NUMB: variants seen among roughly 807,000 people sequenced by gnomAD.
NUMB encodes NUMB endocytic adaptor protein, also known as protein numb homolog.
A neutral mutation model predicts 59.7 loss-of-function variants in NUMB; 29 were observed. That is an observed-to-expected ratio of 0.49 (90% confidence interval 0.36 to 0.66). The LOEUF (loss-of-function observed/expected upper bound fraction) is 0.66, where lower values mean the gene tolerates loss of function less well. Among genes scored for constraint, NUMB ranks in the 30% least tolerant of loss-of-function variants. The pLI is 0.00. For missense variants in NUMB, 723 were observed against 822.0 expected, an observed-to-expected ratio of 0.88 and a Z score of 1.47; for synonymous variants, 288 against 288.2, an observed-to-expected ratio of 1.00 and a Z score of 0.01.
intron 2 of NUMB, among the ~76,000 whole-genome samples, chr14:73,377,544 G>A (rs1895010726): frequency 6.6e-6 from 1 of 152,126 alleles, no homozygotes; most frequent in Non-Finnish European, 1.5e-5. Flanking sequence ...GGAGGCTGAG[G>A]CAGAAGAATC....
intron 4 of NUMB, among the ~76,000 whole-genome samples, chr14:73,329,403 C>A (rs755629702): frequency 1.1e-4 from 16 of 152,106 alleles, no homozygotes; most frequent in Non-Finnish European, 2.2e-4. Context: ...GTGCTAAATA[C>A]ATATTTATTG....
chr14:73,433,892 CCA>C (rs1287450536), intron 1 of NUMB, among the ~76,000 whole-genome samples: 1 of 152,080 alleles, frequency 6.6e-6, no homozygotes. Flanking sequence ...AAGTTTGAGA[CCA>C]TCCTAGCCAA....
intron 4 of NUMB, among the ~76,000 whole-genome samples, chr14:73,351,249 G>A (rs1893240613): frequency 2.0e-5 from 3 of 152,058 alleles, no homozygotes; most frequent in South Asian, 2.1e-4. Flanking sequence ...TGAGGCGGGC[G>A]GATCACAAGG....
intron 2 of NUMB, among the ~76,000 whole-genome samples, chr14:73,383,459 G>A (rs1163736536): frequency 6.6e-6 from 1 of 152,026 alleles, no homozygotes; most frequent in Non-Finnish European, 1.5e-5. Flanking sequence ...AGAAAATACA[G>A]AAAAGAGCAT....
chr14:73,292,645 T>C (rs2139831592), intron 8 of NUMB, 89 bp downstream of exon 8: 1 of 1,320,182 alleles, frequency 7.6e-7, no homozygotes, highest in East Asian at 2.4e-5. Context: ...TTGTTAAAAA[T>C]GTAGTAGAAA....
chr14:73,424,548 A>G (rs115111411), intron 1 of NUMB, among the ~76,000 whole-genome samples: 195 of 152,322 alleles, frequency 1.3e-3, no homozygotes, highest in African/African-American at 4.3e-3. Flanking sequence ...TGCACACAGT[A>G]GTTTATAACA....
intron 4 of NUMB, among the ~76,000 whole-genome samples, chr14:73,348,805 T>C (rs1446386021): frequency 1.3e-5 from 2 of 152,202 alleles, no homozygotes; most frequent in Admixed American, 1.3e-4. Flanking sequence ...TCAAAACTTA[T>C]TCATCTCACA....
chr14:73,437,182 C>T (rs981101735), intron 1 of NUMB, among the ~76,000 whole-genome samples: 2 of 151,226 alleles, frequency 1.3e-5, no homozygotes, highest in Non-Finnish European at 2.9e-5. Context: ...AGTAGCTGGG[C>T]CTACAGGCAC....
intron 1 of NUMB, among the ~76,000 whole-genome samples, chr14:73,414,417 A>G (rs1009136668): frequency 6.6e-6 from 1 of 152,136 alleles, no homozygotes; most frequent in Non-Finnish European, 1.5e-5. Flanking sequence ...GTTTTGAGAC[A>G]GGGTCTCACT....
intron 1 of NUMB, among the ~76,000 whole-genome samples, chr14:73,413,478 C>T (rs1327262656): frequency 2.0e-5 from 3 of 151,540 alleles, no homozygotes; most frequent in Admixed American, 6.6e-5. Flanking sequence ...AAAAATAAGG[C>T]GGGGCATGGT....
intron 2 of NUMB, among the ~76,000 whole-genome samples, chr14:73,405,931 A>G (rs867795812): frequency 4.6e-5 from 7 of 152,236 alleles, no homozygotes; most frequent in Middle Eastern, 3.4e-3. Context: ...TAATGAGTAG[A>G]CCTACACCCA....
At chr14:73,312,250 C>T (rs770390774) in intron 6 of NUMB, among the ~76,000 whole-genome samples, 32 of 149,142 alleles carry the variant, frequency 2.1e-4, no homozygotes, top group Non-Finnish European at 3.6e-4. Context: ...AAAAATTATC[C>T]GGGTATGGTG....
rs1432908910 is a variant in NUMB, at chr14:73,284,217, A to G, written c.813T>C (p.Leu271=). The G allele has an allele frequency of 6.2e-7, 1 of 1,614,174 alleles. No homozygotes were observed. Among genetic ancestry groups the G allele is most frequent in the Non-Finnish European group, 8.5e-7 (1 of 1,180,030 alleles). ...IPRRHAPIEQ[L]ARQGSFRGFP... ...AACCTCGGAAAGAGCCTTGGCGAGC[A>G]AGCTGTTCAATTGGAGCATGCCGGC... Residue 271 remains leucine (L), a synonymous_variant, in exon 10 of 13, where the codon CTT becomes CTC. Coordinates refer to ENST00000555238, the MANE Select transcript of NUMB (RefSeq NM_001005743.2).
At chr14:73,349,777 G>A (rs924987077) in intron 4 of NUMB, among the ~76,000 whole-genome samples, 5 of 151,808 alleles carry the variant, frequency 3.3e-5, no homozygotes, top group African/African-American at 1.2e-4. Context: ...TACTTGGGAG[G>A]CTGAGGCAGG....
intron 1 of NUMB, among the ~76,000 whole-genome samples, chr14:73,449,752 G>A (rs1300034375): frequency 3.3e-5 from 5 of 152,152 alleles, no homozygotes; most frequent in Non-Finnish European, 5.9e-5. Context: ...GGAGTGCAGT[G>A]GCTCGGCTCA....
chr14:73,438,768 A>C (rs950524676), intron 1 of NUMB, among the ~76,000 whole-genome samples: 2 of 152,162 alleles, frequency 1.3e-5, no homozygotes, highest in Non-Finnish European at 2.9e-5. Flanking sequence ...AGAAACAGAC[A>C]ATAAATGTTA....
intron 6 of NUMB, chr14:73,298,911 C>T (rs888054650): frequency 2.6e-5 from 4 of 152,022 alleles, no homozygotes; most frequent in Non-Finnish European, 4.4e-5. Flanking sequence ...TAAAGAATAC[C>T]GTAGGTAAAT....
chr14:73,287,359 C>T (rs1889086093), intron 8 of NUMB, 45 bp from the exon 9 acceptor site: 5 of 1,424,316 alleles, frequency 3.5e-6, no homozygotes, highest in Non-Finnish European at 4.8e-6. Flanking sequence ...ACACTACTAA[C>T]AATTACATAC....
intron 1 of NUMB, among the ~76,000 whole-genome samples, chr14:73,452,235 C>T (rs959839720): frequency 6.6e-6 from 1 of 152,132 alleles, no homozygotes; most frequent in African/African-American, 2.4e-5. Context: ...TAGTGCACAC[C>T]TGTAATCCCA....
Sources: gnomAD v4.1 joint callset for allele counts (sites outside exome capture counted in the v4.1 genomes callset) on GRCh38, gnomAD v4.1.1 for gene constraint, MANE v1.5 for transcripts, NCBI Gene and HGNC (gene_info 2026-07-23, HGNC 2026-07-21) for gene names.